The following ZMYM2 variants were observed in gnomAD, a reference collection of about 807,000 sequenced individuals.
ZMYM2 encodes zinc finger MYM-type protein 2.
A neutral mutation model predicts 162.8 loss-of-function variants in ZMYM2; 56 were observed. The ratio of observed to expected loss-of-function variants is 0.34; its 90% confidence interval spans 0.28 to 0.43. The LOEUF is 0.43. Among genes scored for constraint, ZMYM2 ranks in the 20% least tolerant of loss-of-function variants. ZMYM2 has a pLI of 1.00. For missense variants in ZMYM2, 1,275 were observed against 1,621.8 expected (o/e 0.79, Z 3.67); for synonymous variants, 510 against 541.6 (o/e 0.94, Z 0.81).
chr13:19,961,368 C>T (rs1955190618), intron 2 of ZMYM2, among the ~76,000 whole-genome samples: 1 of 152,122 alleles, frequency 6.6e-6, no homozygotes, highest in South Asian at 2.1e-4. Context: ...AACATAGTCT[C>T]TTTTTCAATA....
the ZMYM2 span, among the ~76,000 whole-genome samples, chr13:19,898,685 G>T: frequency 6.6e-6 from 1 of 152,108 alleles, no homozygotes; most frequent in Non-Finnish European, 1.5e-5. Context: ...CAGGACTTTG[G>T]GAGGCCAGCA....
At chr13:19,868,995 CCCT>C in the ZMYM2 span, among the ~76,000 whole-genome samples, 2 of 152,330 alleles carry the variant, frequency 1.3e-5, no homozygotes, top group African/African-American at 4.8e-5. Context: ...AAGTGATCCA[CCCT>C]CCTCAGCCTC....
chr13:19,884,820 A>T, the ZMYM2 span, among the ~76,000 whole-genome samples: 4 of 152,018 alleles, frequency 2.6e-5, no homozygotes, highest in Non-Finnish European at 5.9e-5. Context: ...CATACAACAA[A>T]CATTCCAGCA....
chr13:19,966,704 G>A (rs1425726998), intron 2 of ZMYM2, among the ~76,000 whole-genome samples: 1 of 152,172 alleles, frequency 6.6e-6, no homozygotes, highest in Non-Finnish European at 1.5e-5. Context: ...GCCTCCCAAA[G>A]TGCTGGGATT....
Position 20,003,073 on chromosome 13 carries a change from C to A in ZMYM2, c.1071C>A (p.Thr357=). ...RKGSAHLFCS[T]TCLSSFSHKP... ...GATCAGCTCACCTCTTTTGTTCTAC[C>A]ACCTGCCTTTCTTCCTTCTCCCACA... Residue 357 remains threonine (T), a synonymous_variant, in exon 4 of 25, where the codon ACC becomes ACA. Coordinates refer to ENST00000610343, the MANE Select transcript of ZMYM2 (RefSeq NM_197968.4). 6.2e-7 allele frequency: 1 copy of A among 1,614,226 alleles called. No individual in the cohort carries two copies. Among genetic ancestry groups the A allele is most frequent in the South Asian group, 1.1e-5 (1 of 91,092 alleles).
chr13:20,046,577 A>ATGTGTG (rs1417698365), intron 12 of ZMYM2, among the ~76,000 whole-genome samples: 2 of 46,656 alleles, frequency 4.3e-5, no homozygotes, highest in South Asian at 1.8e-3. Flanking sequence ...ATATATATAT[A>ATGTGTG]TATATGTGTG....
chr13:19,885,954 C>CATATATATGTGTAT, the ZMYM2 span, among the ~76,000 whole-genome samples: 3 of 78,576 alleles, frequency 3.8e-5, 1 homozygote, highest in Admixed American at 2.3e-4. Flanking sequence ...TGTATATACA[C>CATATATATGTGTAT]ATATATATGT....
the ZMYM2 span, among the ~76,000 whole-genome samples, chr13:19,912,289 T>C: frequency 7.0e-6 from 1 of 142,742 alleles, no homozygotes; most frequent in African/African-American, 2.6e-5. Flanking sequence ...ATCTGTTTTT[T>C]GGGTTTTTTT....
intron 2 of ZMYM2, among the ~76,000 whole-genome samples, chr13:19,973,926 T>C (rs1249562205): frequency 1.3e-5 from 2 of 152,160 alleles, no homozygotes; most frequent in Admixed American, 1.3e-4. Context: ...AAGACAGTTC[T>C]TTCAATATGG....
chr13:19,898,010 C>G, the ZMYM2 span, among the ~76,000 whole-genome samples: 2 of 152,126 alleles, frequency 1.3e-5, no homozygotes, highest in Non-Finnish European at 2.9e-5. Flanking sequence ...CAGATATTTA[C>G]AGAACACTCT....
At chr13:20,068,679 T>C (rs1425017723) in intron 21 of ZMYM2, among the ~76,000 whole-genome samples, 2 of 152,098 alleles carry the variant, frequency 1.3e-5, no homozygotes, top group Middle Eastern at 3.2e-3. Flanking sequence ...CTGTACCAGG[T>C]GTAGATGAAA....
chr13:20,064,580 C>G, intron 19 of ZMYM2, 35 bp downstream of exon 19: 2 of 1,468,276 alleles, frequency 1.4e-6, no homozygotes, highest in African/African-American at 1.4e-5. Flanking sequence ...AACAATATTT[C>G]TCTATAGGCA....
chr13:19,997,874 G>C (rs536271549), intron 3 of ZMYM2, among the ~76,000 whole-genome samples: 1 of 152,154 alleles, frequency 6.6e-6, no homozygotes. Context: ...CAATATATGC[G>C]TGTGAAATTT....
At chr13:19,888,169 G>A in the ZMYM2 span, among the ~76,000 whole-genome samples, 3 of 149,790 alleles carry the variant, frequency 2.0e-5, no homozygotes, top group Non-Finnish European at 3.0e-5. Context: ...ATGCTCCATC[G>A]CGCCTGGCTA....
the ZMYM2 span, among the ~76,000 whole-genome samples, chr13:19,887,581 G>C: frequency 2.0e-5 from 3 of 150,808 alleles, no homozygotes; most frequent in Non-Finnish European, 4.4e-5. Context: ...TCATTTATTT[G>C]TTGGAATACT....
chr13:20,006,244 AAAAATTTT>A, intron 5 of ZMYM2, 122 bp from the exon 6 acceptor site: 1 of 906,188 alleles, frequency 1.1e-6, no homozygotes, highest in Non-Finnish European at 1.5e-6. Flanking sequence ...AAAAAAAAAA[AAAAATTTT>A]TTTTTTCCTT....
At chr13:19,892,362 C>T in the ZMYM2 span, among the ~76,000 whole-genome samples, 1 of 151,882 alleles carries the variant, frequency 6.6e-6, no homozygotes, top group Non-Finnish European at 1.5e-5. Context: ...AGCTCCGCCT[C>T]CTGGGTTCAC....
rs755931391 is a variant in ZMYM2, at chr13:20,003,147, C to T, written c.1133+12C>T. On this transcript the variant is annotated intron_variant, in intron 4 of 24. Coordinates refer to ENST00000610343, the MANE Select transcript of ZMYM2 (RefSeq NM_197968.4). ...GTTATGTGTAAAAAGTAAGGTTTAC[C>T]TTTCAACATAATTACATATAGTTGA... 3.7e-6 allele frequency: 6 copies of T among 1,606,636 alleles called. No individual in the cohort carries two copies. Among genetic ancestry groups the T allele is most frequent in the South Asian group, 1.1e-5 (1 of 90,386 alleles).
At chr13:19,973,670 CAAAAAA>C (rs529880853) in intron 2 of ZMYM2, among the ~76,000 whole-genome samples, 5 of 58,974 alleles carry the variant, frequency 8.5e-5, no homozygotes, top group East Asian at 5.9e-4. Context: ...AACTCCATCT[CAAAAAA>C]AAAAAAAAAA....
Sources: gnomAD v4.1 joint callset for allele counts (sites outside exome capture counted in the v4.1 genomes callset) on GRCh38, gnomAD v4.1.1 for gene constraint, MANE v1.5 for transcripts, NCBI Gene and HGNC (gene_info 2026-07-23, HGNC 2026-07-21) for gene names.